The following ZNF521 variants were observed in gnomAD, a reference collection of about 807,000 sequenced individuals.
The protein encoded by ZNF521 is zinc finger protein 521.
ZNF521 carries 14 observed loss-of-function variants against 105.5 expected under a neutral mutation model. The ratio of observed to expected loss-of-function variants is 0.13; its 90% CI spans 0.09 to 0.21. The LOEUF is 0.21. ZNF521 is among the 10% of genes least tolerant of loss of function. ZNF521 has a pLI of 1.00. For synonymous variants in ZNF521, 635 were observed against 606.0 expected (o/e 1.05, Z -0.70); for missense variants, 1,233 against 1,629.7 (o/e 0.76, Z 4.19).
chr18:25,091,680 T>C (rs998573885), intron 6 of ZNF521, among the ~76,000 whole-genome samples: 3 of 152,000 alleles, frequency 2.0e-5, no homozygotes, highest in Non-Finnish European at 2.9e-5. Context: ...GAACACAACA[T>C]GTATGTAGTT....
Position 25,227,219 on chromosome 18 carries a change from G to A in ZNF521, c.699C>T (p.Ser233=), listed in dbSNP as rs376406423. The change falls in exon 4 of 8, where the codon TCC becomes TCT. Residue 233 remains serine, a synonymous_variant. Transcript: ENST00000361524. This position sits in a 1 kb window ranked among gnomAD's most constrained non-coding sequence, Gnocchi z 5.7. ...TCTTCCAGTCCTCCATCCTGGAACCGGACTGAGAGCCGTCCTTGTTCCTCT... is the reference window on the plus strand; with the variant it reads ...TCTTCCAGTCCTCCATCCTGGAACCAGACTGAGAGCCGTCCTTGTTCCTCT... The part of the protein sequence containing the change: ...VHERNKDGSQ[S]GSRMEDWKMK... 1.3e-5 allele frequency: 21 copies of A among 1,613,982 alleles called. No homozygotes were observed. In the East Asian group the frequency reaches 1.3e-4, roughly 10 times the overall value.
chr18:25,327,821 T>A, intron 2 of ZNF521: 1 of 371,194 alleles, frequency 2.7e-6, no homozygotes. Context: ...CCTGCTGGTC[T>A]GCTGCCTCAT....
chr18:25,245,597 A>C (rs1490621378), intron 3 of ZNF521, among the ~76,000 whole-genome samples: 1 of 152,204 alleles, frequency 6.6e-6, no homozygotes, highest in African/African-American at 2.4e-5. Context: ...CCATTTGTTC[A>C]TCAAACGGGC....
chr18:25,256,950 T>C (rs915306929), intron 3 of ZNF521, among the ~76,000 whole-genome samples: 6 of 151,872 alleles, frequency 4.0e-5, no homozygotes, highest in African/African-American at 1.5e-4. Flanking sequence ...AATACTTCAA[T>C]AAAGGCACCA....
At chr18:25,146,251 G>A (rs12953759) in intron 5 of ZNF521, among the ~76,000 whole-genome samples, 98,465 of 151,844 alleles carry the variant, frequency 0.65, 32,123 homozygotes, top group Middle Eastern at 0.77. Flanking sequence ...TGAACAATAA[G>A]CAATTCCAGG....
At chr18:25,148,522 T>C (rs1555639841) in intron 5 of ZNF521, among the ~76,000 whole-genome samples, 4 of 152,196 alleles carry the variant, frequency 2.6e-5, no homozygotes, top group Non-Finnish European at 5.9e-5. Flanking sequence ...TGCTTTCTTT[T>C]AAGTATAAAT....
intron 3 of ZNF521, among the ~76,000 whole-genome samples, chr18:25,296,445 T>C (rs1248714459): frequency 6.6e-6 from 1 of 152,214 alleles, no homozygotes; most frequent in African/African-American, 2.4e-5. Context: ...ATTTGGGATC[T>C]GAGATTGTTT....
intron 5 of ZNF521, among the ~76,000 whole-genome samples, chr18:25,125,357 T>A (rs757034463): frequency 6.6e-6 from 1 of 152,138 alleles, no homozygotes. Flanking sequence ...TAGAACTGTT[T>A]GATTAACAAT....
At chr18:25,350,817 A>T in intron 2 of ZNF521, 90 bp downstream of exon 2, 1 of 1,433,512 alleles carries the variant, frequency 7.0e-7, no homozygotes, top group Non-Finnish European at 9.4e-7. Context: ...TCACGCGCGC[A>T]CACGCCTCGC....
intron 3 of ZNF521, among the ~76,000 whole-genome samples, chr18:25,293,924 T>A (rs192747454): frequency 3.4e-4 from 52 of 152,350 alleles, no homozygotes; most frequent in Non-Finnish European, 6.2e-4. Context: ...ATTTTTTTCT[T>A]ACTTGCTTGC....
chr18:25,068,830 G>A (rs1400660271), intron 7 of ZNF521, among the ~76,000 whole-genome samples: 3 of 152,130 alleles, frequency 2.0e-5, no homozygotes, highest in Non-Finnish European at 4.4e-5. Context: ...TATACTGTAC[G>A]TGACTTAAAA....
At chr18:25,291,370 C>T (rs1301846013) in intron 3 of ZNF521, among the ~76,000 whole-genome samples, 1 of 152,136 alleles carries the variant, frequency 6.6e-6, no homozygotes, top group African/African-American at 2.4e-5. Flanking sequence ...CTTAGGAAAG[C>T]CTCCCAAATC....
intron 4 of ZNF521, among the ~76,000 whole-genome samples, chr18:25,220,734 A>T (rs960449915): frequency 6.6e-6 from 1 of 152,204 alleles, no homozygotes; most frequent in Non-Finnish European, 1.5e-5. Flanking sequence ...AAATGTGAGT[A>T]AATAGTTGCT....
At chr18:25,250,716 A>G (rs1468601778) in intron 3 of ZNF521, among the ~76,000 whole-genome samples, 3 of 152,236 alleles carry the variant, frequency 2.0e-5, no homozygotes, top group Non-Finnish European at 4.4e-5. Context: ...TATGAATTAT[A>G]CACATTTTAC....
chr18:25,338,338 G>A (rs1046530384), intron 2 of ZNF521, among the ~76,000 whole-genome samples: 3 of 147,972 alleles, frequency 2.0e-5, no homozygotes, highest in Non-Finnish European at 4.5e-5. Context: ...AAAGGCATAG[G>A]AAATGTGAGT....
intron 5 of ZNF521, among the ~76,000 whole-genome samples, chr18:25,153,618 C>G (rs532674287): frequency 6.6e-6 from 1 of 152,210 alleles, no homozygotes; most frequent in East Asian, 1.9e-4. Context: ...GGAAACTGCA[C>G]TGCGGATGTC....
Position 25,298,748 on chromosome 18 carries a change from T to TA in ZNF521, c.220+23259dup, listed in dbSNP as rs947913070. On this transcript the variant is annotated intron_variant, in intron 3 of 7. Transcript: ENST00000361524. ...GGCTAGTATTAGAATTAGTATGCTT[T>TA]AAAAAAAATCATTGGAGAAGGAAAT... 9.9e-5 allele frequency among the ~76,000 whole-genome samples: 15 copies of TA among 152,126 alleles called. No individual in the cohort carries two copies. The East Asian group carries it at 2.1e-3, about 22-fold the overall frequency.
At chr18:25,129,262 A>ATT (rs2034593863) in intron 5 of ZNF521, among the ~76,000 whole-genome samples, 3 of 81,782 alleles carry the variant, frequency 3.7e-5, no homozygotes, top group African/African-American at 9.6e-5. Context: ...TAATAATAAT[A>ATT]ATAATTATTA....
At chr18:25,310,444 A>AG (rs977873719) in intron 3 of ZNF521, among the ~76,000 whole-genome samples, 9 of 151,824 alleles carry the variant, frequency 5.9e-5, no homozygotes, top group African/African-American at 2.2e-4. Flanking sequence ...AAAAAAAAAA[A>AG]GAGGGAGGGA....
Sources: allele counts gnomAD v4.1 joint callset (sites outside exome capture counted in the v4.1 genomes callset), GRCh38; gene constraint gnomAD v4.1.1; non-coding constraint Gnocchi (gnomAD v3.1); transcripts MANE v1.5; gene names NCBI Gene and HGNC (gene_info 2026-07-23, HGNC 2026-07-21).